KAZN: variants seen among roughly 807,000 people sequenced by gnomAD.
KAZN encodes the protein kazrin.
KAZN carries 40 observed loss-of-function variants against 87.4 expected under a neutral mutation model. The ratio of observed to expected loss-of-function variants is 0.46; its 90% CI spans 0.36 to 0.60. The LOEUF is 0.60. KAZN is among the 20% of genes least tolerant of loss of function. KAZN has a pLI of 0.00. For synonymous variants in KAZN, 466 were observed against 458.3 expected, an observed-to-expected ratio of 1.02 and a Z score of -0.22; for missense variants, 898 against 1,073.9, an observed-to-expected ratio of 0.84 and a Z score of 2.29.
intron 1 of KAZN, among the ~76,000 whole-genome samples, chr1:14,154,115 C>T (rs775894289): frequency 1.3e-5 from 2 of 152,002 alleles, no homozygotes; most frequent in Non-Finnish European, 2.9e-5. Context: ...TTAATAATAT[C>T]GATTCTTCCA....
intron 8 of KAZN, among the ~76,000 whole-genome samples, chr1:15,086,395 A>G (rs1487154292): frequency 6.6e-6 from 1 of 152,240 alleles, no homozygotes; most frequent in Admixed American, 6.5e-5. Flanking sequence ...AACAAAAGGC[A>G]AACTCTCAAC....
intron 2 of KAZN, among the ~76,000 whole-genome samples, chr1:14,501,799 A>G (rs1222230478): frequency 6.6e-6 from 1 of 152,246 alleles, no homozygotes; most frequent in Non-Finnish European, 1.5e-5. Flanking sequence ...TTATTCAGCC[A>G]TAAAAACGAA....
chr1:14,772,327 T>A (rs1415354807), intron 1 of KAZN, among the ~76,000 whole-genome samples: 3 of 152,028 alleles, frequency 2.0e-5, no homozygotes, highest in Admixed American at 6.5e-5. Context: ...CTATAAAAAA[T>A]TTAACAATTA....
intron 2 of KAZN, among the ~76,000 whole-genome samples, chr1:14,367,316 T>G (rs1184672519): frequency 1.3e-5 from 2 of 152,038 alleles, no homozygotes; most frequent in Non-Finnish European, 2.9e-5. Context: ...TCCGGCTACC[T>G]GCAGCCAGAC....
intron 1 of KAZN, among the ~76,000 whole-genome samples, chr1:14,171,198 G>C (rs1645947849): frequency 6.6e-6 from 1 of 152,200 alleles, no homozygotes; most frequent in South Asian, 2.1e-4. Context: ...TCAGTTGATG[G>C]GAATTTGGGT....
chr1:14,019,249 G>T (rs1182612461), intron 1 of KAZN, among the ~76,000 whole-genome samples: 2 of 152,046 alleles, frequency 1.3e-5, no homozygotes, highest in Non-Finnish European at 1.5e-5. Context: ...CCATGTTCCT[G>T]GTGTGTTGGT....
intron 1 of KAZN, among the ~76,000 whole-genome samples, chr1:14,090,313 T>C (rs1467855810): frequency 3.9e-5 from 6 of 152,154 alleles, no homozygotes; most frequent in Non-Finnish European, 8.8e-5. Context: ...TTTCAGTCTC[T>C]TTTTCTCTGT....
At chr1:14,297,652 G>A (rs1030287810) in intron 2 of KAZN, among the ~76,000 whole-genome samples, 1 of 152,082 alleles carries the variant, frequency 6.6e-6, no homozygotes, top group African/African-American at 2.4e-5. Context: ...GGATGCAGTT[G>A]TCAGTGTGTC....
intron 2 of KAZN, among the ~76,000 whole-genome samples, chr1:14,399,026 G>A (rs919275797): frequency 7.2e-5 from 11 of 152,102 alleles, no homozygotes; most frequent in African/African-American, 1.4e-4. Context: ...TTTTGGAGGG[G>A]GGGATTTTGT....
intron 4 of KAZN, among the ~76,000 whole-genome samples, chr1:15,047,856 C>T (rs147484885): frequency 2.0e-5 from 3 of 152,138 alleles, no homozygotes; most frequent in African/African-American, 4.8e-5. Flanking sequence ...AGCTGGGGGA[C>T]GAACATGTCC....
intron 2 of KAZN, among the ~76,000 whole-genome samples, chr1:14,443,226 G>C (rs1005376062): frequency 6.6e-6 from 1 of 152,156 alleles, no homozygotes; most frequent in Non-Finnish European, 1.5e-5. Context: ...TAAATCTCAA[G>C]TCTCTCCCGA....
intron 1 of KAZN, among the ~76,000 whole-genome samples, chr1:14,179,368 T>C (rs1216233398): frequency 2.0e-5 from 3 of 152,240 alleles, no homozygotes; most frequent in African/African-American, 7.2e-5. Context: ...AGGACTCAAC[T>C]TGCTTTTTCA....
intron 1 of KAZN, among the ~76,000 whole-genome samples, chr1:13,980,041 T>C (rs2101072795): frequency 6.6e-6 from 1 of 152,330 alleles, no homozygotes; most frequent in Non-Finnish European, 1.5e-5. Context: ...GTTAGACGGT[T>C]CTGACATTGT....
At chr1:14,496,173 G>A (rs1259856256) in intron 2 of KAZN, among the ~76,000 whole-genome samples, 1 of 152,136 alleles carries the variant, frequency 6.6e-6, no homozygotes, top group African/African-American at 2.4e-5. Context: ...AGGGGCTGCT[G>A]GTTTTCAGTT....
intron 2 of KAZN, among the ~76,000 whole-genome samples, chr1:14,551,187 A>C (rs1673495843): frequency 6.6e-6 from 1 of 152,176 alleles, no homozygotes; most frequent in Non-Finnish European, 1.5e-5. Context: ...ACACTGCCCC[A>C]ACAGTATTCA....
intron 1 of KAZN, among the ~76,000 whole-genome samples, chr1:14,068,011 C>A: frequency 6.6e-6 from 1 of 152,158 alleles, no homozygotes; most frequent in East Asian, 1.9e-4. Flanking sequence ...TAGCCCTTTT[C>A]AGAGCCGGAA....
At chr1:14,990,723 G>A (rs1009352500) in intron 2 of KAZN, among the ~76,000 whole-genome samples, 1 of 151,858 alleles carries the variant, frequency 6.6e-6, no homozygotes, top group South Asian at 2.1e-4. Flanking sequence ...GGTCTTGGGG[G>A]TCAGCTGCTT....
intron 1 of KAZN, among the ~76,000 whole-genome samples, chr1:14,635,130 T>C (rs1557853397): frequency 6.6e-6 from 1 of 152,222 alleles, no homozygotes; most frequent in Non-Finnish European, 1.5e-5. Context: ...AGACTAAGTA[T>C]TCAGTGAACG....
chr1:15,063,380 C>G (rs1638957267), intron 6 of KAZN, 192 bp from the exon 7 acceptor site: 1 of 617,188 alleles, frequency 1.6e-6, no homozygotes, highest in African/African-American at 1.8e-5. Context: ...TAGGGAAACT[C>G]CAGGCCCCAT....
Sources: allele counts gnomAD v4.1 joint callset (sites outside exome capture counted in the v4.1 genomes callset), GRCh38; gene constraint gnomAD v4.1.1; transcripts MANE v1.5; gene names NCBI Gene and HGNC (gene_info 2026-07-23, HGNC 2026-07-21).